The following RAPGEF4 variants were observed in gnomAD, a reference collection of about 807,000 sequenced individuals.
The protein encoded by RAPGEF4 is Rap guanine nucleotide exchange factor 4.
In RAPGEF4, 66 loss-of-function variants were observed where a neutral mutation model predicts 147.9. The ratio of observed to expected loss-of-function variants is 0.45; its 90% CI spans 0.37 to 0.55. The LOEUF is 0.55. Among genes scored for constraint, RAPGEF4 ranks in the 20% least tolerant of loss-of-function variants. The pLI, the probability that RAPGEF4 is intolerant of heterozygous loss-of-function variation, is 0.00. For missense variants in RAPGEF4, 1,071 were observed against 1,257.3 expected, an observed-to-expected ratio of 0.85 and a Z score of 2.24; for synonymous variants, 419 against 442.7, an observed-to-expected ratio of 0.95 and a Z score of 0.67.
At chr2:172,793,659 G>A (rs1686050622) in intron 1 of RAPGEF4, among the ~76,000 whole-genome samples, 1 of 152,216 alleles carries the variant, frequency 6.6e-6, no homozygotes, top group Non-Finnish European at 1.5e-5. Flanking sequence ...AAAGCACATG[G>A]AAGGAACAGA....
intron 4 of RAPGEF4, among the ~76,000 whole-genome samples, chr2:172,843,670 GTC>G (rs1260287204): frequency 6.6e-6 from 1 of 152,136 alleles, no homozygotes; most frequent in Admixed American, 6.5e-5. Flanking sequence ...GCTGTTTATA[GTC>G]TCTATTCATC....
intron 1 of RAPGEF4, among the ~76,000 whole-genome samples, chr2:172,787,117 C>G (rs1174969975): frequency 6.6e-6 from 1 of 152,166 alleles, no homozygotes; most frequent in East Asian, 1.9e-4. Context: ...GAGGCTGAGG[C>G]AGGAGAATTG....
At chr2:172,965,744 A>G in intron 9 of RAPGEF4, 61 bp downstream of exon 9, 3 of 1,604,690 alleles carry the variant, frequency 1.9e-6, no homozygotes. Context: ...TTCCCTGGGT[A>G]AGTAGTTGCT....
At chr2:172,864,761 C>A (rs1459134302) in intron 4 of RAPGEF4, among the ~76,000 whole-genome samples, 1 of 152,158 alleles carries the variant, frequency 6.6e-6, no homozygotes, top group Non-Finnish European at 1.5e-5. Flanking sequence ...AAAAATTAGC[C>A]AGGCATGGTG....
At chr2:172,956,721 C>T (rs1389180338) in intron 6 of RAPGEF4, among the ~76,000 whole-genome samples, 1 of 152,196 alleles carries the variant, frequency 6.6e-6, no homozygotes, top group Non-Finnish European at 1.5e-5. Context: ...CTGCCCGCCT[C>T]AGCCTCCCAA....
chr2:172,979,277 C>T (rs769733647), intron 10 of RAPGEF4, among the ~76,000 whole-genome samples: 9 of 152,276 alleles, frequency 5.9e-5, no homozygotes, highest in Admixed American at 2.0e-4. Flanking sequence ...TCCCTCAGGA[C>T]GCAAAAGAAC....
chr2:172,980,244 C>T (rs940663661), intron 10 of RAPGEF4, among the ~76,000 whole-genome samples: 6 of 151,788 alleles, frequency 4.0e-5, no homozygotes, highest in Admixed American at 3.9e-4. Flanking sequence ...TTTCCAGGAG[C>T]GTTGTGTGAT....
intron 1 of RAPGEF4, among the ~76,000 whole-genome samples, chr2:172,790,198 A>G (rs1390680686): frequency 6.6e-6 from 1 of 151,978 alleles, no homozygotes; most frequent in African/African-American, 2.4e-5. Flanking sequence ...TTCCCTGATG[A>G]TTAGTGACAA....
Position 172,988,753 on chromosome 2 carries a change from G to T in RAPGEF4, c.1288G>T (p.Ala430Ser). ...CGGCAAGTTAGCACTAGTGAATGATGCCCCACGAGCTGCCTCTATCGTCTT... is the reference window on the plus strand; with the variant it reads ...CGGCAAGTTAGCACTAGTGAATGATTCCCCACGAGCTGCCTCTATCGTCTT... ...DFGKLALVNDAPRAASIVLRE... is the reference protein window; with the variant it reads ...DFGKLALVNDSPRAASIVLRE... Residue 430 changes from alanine to serine, a missense_variant, in exon 14 of 31, where the codon GCC (alanine) becomes TCC (serine). Ala to Ser is a moderately conservative substitution (Grantham distance 99). Transcript: ENST00000397081. The T allele has an allele frequency of 1.2e-6, 2 of 1,612,014 alleles. No homozygotes were observed. The highest frequency in any genetic ancestry group is 1.7e-6 in the Non-Finnish European group (2 of 1,178,064).
chr2:173,000,808 G>A lies in RAPGEF4; in HGVS notation c.1580-458G>A, dbSNP rs374715866. ...CTCACCAATTCTCTGCTCTTACCACGTCCTGATTCTGTAATTCTATTGTCC... is the reference window on the plus strand; with the variant it reads ...CTCACCAATTCTCTGCTCTTACCACATCCTGATTCTGTAATTCTATTGTCC... On this transcript the variant is annotated intron_variant, in intron 16 of 30. Coordinates refer to ENST00000397081, the MANE Select transcript of RAPGEF4 (RefSeq NM_007023.4). Among the ~76,000 whole-genome samples the A allele has an allele frequency of 3.9e-4, 53 of 136,424 alleles. 1 individual carries two copies. Among genetic ancestry groups the A allele is most frequent in the African/African-American group, 1.3e-3 (48 of 36,188 alleles). 89.5% of individuals were successfully genotyped at this position (136,424 alleles called of 152,430 possible).
At chr2:173,022,178 A>C (rs1274421419) in intron 23 of RAPGEF4, among the ~76,000 whole-genome samples, 2 of 152,210 alleles carry the variant, frequency 1.3e-5, no homozygotes, top group South Asian at 2.1e-4. Context: ...CTCTTGCCAG[A>C]GGGTTCTTGG....
intron 30 of RAPGEF4, among the ~76,000 whole-genome samples, chr2:173,050,414 T>C (rs1407147268): frequency 6.6e-6 from 1 of 152,214 alleles, no homozygotes; most frequent in East Asian, 1.9e-4. Context: ...GTATGTCTTC[T>C]CTCTGCTTTT....
rs35815206 is a variant in RAPGEF4 at position 172,956,472 on chromosome 2, CTT to C, written c.538-4274_538-4273del. Among the ~76,000 whole-genome samples the C allele has an allele frequency of 4.7e-3, 641 of 136,222 alleles. 3 individuals carry two copies. Among genetic ancestry groups the C allele is most frequent in the African/African-American group, 0.016 (592 of 36,180 alleles). The allele number at this position is 136,222 out of a possible 152,430, so 89.4% of individuals were successfully genotyped here. On this transcript the variant is annotated intron_variant, in intron 6 of 30. Transcript: ENST00000397081. Reference sequence around the variant, plus strand: ...TTTTATTGTTACAAAGTTTCTTTTTCTTTTTTTTTTTTTTTGAGATGGAATCT... The same window carrying C: ...TTTTATTGTTACAAAGTTTCTTTTTCTTTTTTTTTTTTTGAGATGGAATCT...
intron 4 of RAPGEF4, among the ~76,000 whole-genome samples, chr2:172,831,266 C>CTTTTTTTTTTTTTTTTTTTTTT (rs71018521): frequency 0.015 from 827 of 53,866 alleles, 261 homozygotes; most frequent in Middle Eastern, 0.062. Flanking sequence ...AGATAGAAAA[C>CTTTTTTTTTTTTTTTTTTTTTT]TTTTTTTTTT....
In RAPGEF4 at chr2:172,922,353, A is replaced by G. The variant is rs1575251033; in HGVS notation, c.537+53A>G. The G allele has an allele frequency of 3.3e-6, 5 of 1,510,854 alleles. No homozygotes were observed. In the East Asian group the frequency reaches 9.0e-5, roughly 27 times the overall value. 93.6% of individuals were successfully genotyped at this position (1,510,854 alleles called of 1,614,324 possible). ...TCTAAAAATTGTTATAAGGTAAAAAATAATCATGGTAACCCTACCAACAAA... is the reference window on the plus strand; with the variant it reads ...TCTAAAAATTGTTATAAGGTAAAAAGTAATCATGGTAACCCTACCAACAAA... On this transcript the variant is annotated intron_variant, in intron 6 of 30. Coordinates refer to ENST00000397081, the MANE Select transcript of RAPGEF4 (RefSeq NM_007023.4).
At chr2:172,820,518 A>G (rs1158257604) in intron 4 of RAPGEF4, among the ~76,000 whole-genome samples, 1 of 152,146 alleles carries the variant, frequency 6.6e-6, no homozygotes, top group Admixed American at 6.5e-5. Flanking sequence ...TTGACATGCT[A>G]TTGTGATTTT....
At chr2:172,983,418 T>A in intron 10 of RAPGEF4, 78 bp from the exon 11 acceptor site, 1 of 1,546,154 alleles carries the variant, frequency 6.5e-7, no homozygotes, top group Non-Finnish European at 8.6e-7. Flanking sequence ...ATGTTACTGA[T>A]GCCTGGATCC....
Position 173,052,473 on chromosome 2 carries a change from C to T in RAPGEF4, c.*706C>T, listed in dbSNP as rs530927934. The T allele has an allele frequency of 4.6e-5, 7 of 152,612 alleles. No individual in the cohort carries two copies. The highest frequency in any genetic ancestry group is 1.9e-4 in the East Asian group (1 of 5,182). 9.5% of individuals were successfully genotyped at this position (152,612 alleles called of 1,614,324 possible). ...ATGCCAAGATTCTTAAATTTGCCAG[C>T]GTTAAAGTAGAAAATAACATTTCAG... On this transcript the variant is annotated 3_prime_UTR_variant, in exon 31 of 31. Transcript: ENST00000397081.
In RAPGEF4 at chr2:172,775,260, G is replaced by A. The variant is rs143612049; in HGVS notation, c.66-19765G>A. Among the ~76,000 whole-genome samples, 621 of 152,274 alleles carry A rather than the reference G, an allele frequency of 4.1e-3. 2 individuals are homozygous for A. Among genetic ancestry groups the A allele is most frequent in the Middle Eastern group, 0.031 (9 of 294 alleles). On this transcript the variant is annotated intron_variant, in intron 1 of 30. Coordinates refer to ENST00000397081, the MANE Select transcript of RAPGEF4 (RefSeq NM_007023.4). Reference sequence around the variant, plus strand: ...CCGTCTCTAGGTTTCTTATTGCCCAGGTAGTCACAATTCCTGGCAGTTATA... The same window carrying A: ...CCGTCTCTAGGTTTCTTATTGCCCAAGTAGTCACAATTCCTGGCAGTTATA...
Sources: gnomAD v4.1 joint callset for allele counts (sites outside exome capture counted in the v4.1 genomes callset) on GRCh38, gnomAD v4.1.1 for gene constraint, MANE v1.5 for transcripts, NCBI Gene and HGNC (gene_info 2026-07-23, HGNC 2026-07-21) for gene names.